MOB1A: variants seen among roughly 807,000 people sequenced by gnomAD.
MOB1A encodes the protein MOB1 Mps One Binder homolog A.
MOB1A carries 10 observed loss-of-function variants against 25.1 expected under a neutral mutation model. That is an observed-to-expected ratio of 0.40 (90% confidence interval 0.25 to 0.68). The LOEUF (loss-of-function observed/expected upper bound fraction) is 0.68, where lower values mean the gene tolerates loss of function less well. MOB1A is among the 30% of genes least tolerant of loss of function. The pLI is 0.40. For synonymous variants in MOB1A, 81 were observed against 79.5 expected (o/e 1.02, Z -0.10); for missense variants, 177 against 256.3 (o/e 0.69, Z 2.11).
chr2:74,163,159 G>A (rs565337867), intron 4 of MOB1A, among the ~76,000 whole-genome samples: 1 of 152,076 alleles, frequency 6.6e-6, no homozygotes, highest in African/African-American at 2.4e-5. Flanking sequence ...TCGGCATTGC[G>A]CTTGAAATAC....
In MOB1A at chr2:74,153,596, A is replaced by G. The variant is rs973793716; in HGVS notation, c.*2972T>C. On this transcript the variant is annotated 3_prime_UTR_variant, in exon 6 of 6. Transcript: ENST00000396049. ...GAATGAAAGACAAATTTGGCTGTCA[A>G]TACAAAAACTGTAGTACAAGGAAGT... The G allele has an allele frequency of 2.2e-4, 34 of 152,390 alleles. No homozygotes were observed. The highest frequency in any genetic ancestry group is 8.2e-4 in the African/African-American group (34 of 41,600). 9.4% of individuals were successfully genotyped at this position (152,390 alleles called of 1,614,324 possible).
At chr2:74,170,023 G>A (rs1448233407) in intron 2 of MOB1A, among the ~76,000 whole-genome samples, 1 of 152,154 alleles carries the variant, frequency 6.6e-6, no homozygotes, top group African/African-American at 2.4e-5. Context: ...CAAAAAATTT[G>A]AGAACTGCTG....
rs200570940 is a variant in MOB1A, at chr2:74,172,547, C to A, written c.181+39G>T. On this transcript the variant is annotated intron_variant, in intron 2 of 5. Transcript: ENST00000396049. The stretch of plus-strand genomic sequence containing the variant: ...CATTAACAAAGAGATTTTAGCAAAA[C>A]CTTTCTAGAAAACAGCAAAGTTACA... 8.2e-6 allele frequency: 13 copies of A among 1,580,372 alleles called. No individual in the cohort carries two copies. The African/African-American group carries it at 1.5e-4, about 18-fold the overall frequency.
chr2:74,157,716 G>A (rs753561344), intron 5 of MOB1A, among the ~76,000 whole-genome samples: 1 of 152,128 alleles, frequency 6.6e-6, no homozygotes, highest in Non-Finnish European at 1.5e-5. Flanking sequence ...CCCATGTTTG[G>A]TCACAGAAGC....
intron 1 of MOB1A, among the ~76,000 whole-genome samples, chr2:74,177,741 C>T (rs1157613544): frequency 6.6e-6 from 1 of 151,968 alleles, no homozygotes; most frequent in Non-Finnish European, 1.5e-5. Flanking sequence ...ACATCCATAA[C>T]TAAAATTGGA....
Position 74,156,405 on chromosome 2 carries a change from C to A in MOB1A, c.*163G>T. The A allele has an allele frequency of 1.5e-6, 1 of 654,940 alleles. No individual in the cohort carries two copies. Among genetic ancestry groups the A allele is most frequent in the Non-Finnish European group, 2.7e-6 (1 of 372,320 alleles). The allele number at this position is 654,940 out of a possible 1,614,324, so 40.6% of individuals were successfully genotyped here. A position where few individuals can be genotyped will look rare whatever the true frequency, so the allele number is the denominator to read the frequency against. On this transcript the variant is annotated 3_prime_UTR_variant, in exon 6 of 6. Transcript: ENST00000396049. ...CCTTAAGGTCTTACTCGGAAACTAT[C>A]ACACCAACCTACCTTTGGGATAATT... is the stretch of plus-strand genomic sequence containing the variant.
Position 74,153,878 on chromosome 2 carries a change from T to C in MOB1A, c.*2690A>G, listed in dbSNP as rs2103676573. On this transcript the variant is annotated 3_prime_UTR_variant, in exon 6 of 6. Coordinates refer to ENST00000396049, the MANE Select transcript of MOB1A (RefSeq NM_018221.5). ...GAAGAGTCAAAAAGATTGATTTCTA[T>C]AGGCCGGGCACGGTGGCTCATGCCT... The C allele has an allele frequency of 6.6e-6, 1 of 152,250 alleles. No homozygotes were observed. Among genetic ancestry groups the C allele is most frequent in the East Asian group, 1.9e-4 (1 of 5,168 alleles). 9.4% of individuals were successfully genotyped at this position (152,250 alleles called of 1,614,324 possible).
chr2:74,162,071 TAAAC>T (rs1692988809), intron 4 of MOB1A, among the ~76,000 whole-genome samples: 1 of 152,236 alleles, frequency 6.6e-6, no homozygotes, highest in Admixed American at 6.5e-5. Flanking sequence ...AAATTAATGA[TAAAC>T]AGTTCTGTCT....
intron 1 of MOB1A, among the ~76,000 whole-genome samples, chr2:74,173,979 G>C (rs1281623597): frequency 2.9e-5 from 4 of 139,924 alleles, no homozygotes; most frequent in African/African-American, 1.1e-4. Context: ...AGAAAATGAT[G>C]GGGCCATGGC....
chr2:74,172,807 T>A, intron 1 of MOB1A, 55 bp from the exon 2 acceptor site: 1 of 1,523,784 alleles, frequency 6.6e-7, no homozygotes, highest in East Asian at 2.3e-5. Flanking sequence ...GTAGAACAGG[T>A]AGAACAACAT....
Position 74,156,491 on chromosome 2 carries a change from T to C in MOB1A, c.*77A>G. 9.7e-7 allele frequency: 1 copy of C among 1,033,730 alleles called. No individual in the cohort carries two copies. The highest frequency in any genetic ancestry group is 1.4e-5 in the South Asian group (1 of 70,624). The allele number at this position is 1,033,730 out of a possible 1,614,324, so 64.0% of individuals were successfully genotyped here. The stretch of plus-strand genomic sequence containing the variant: ...CCTGTTTTCTTAAAGTTTGTATCAC[T>C]AGTCTATAACAGATAGCAATGAGAT... On this transcript the variant is annotated 3_prime_UTR_variant, in exon 6 of 6. Coordinates refer to ENST00000396049, the MANE Select transcript of MOB1A (RefSeq NM_018221.5).
intron 1 of MOB1A, among the ~76,000 whole-genome samples, chr2:74,175,777 T>C (rs1454242491): frequency 1.3e-5 from 2 of 152,074 alleles, no homozygotes; most frequent in Non-Finnish European, 2.9e-5. Flanking sequence ...ATCTAATACA[T>C]GGTTAAACAT....
At chr2:74,173,334 TGTC>T in intron 1 of MOB1A, 2 of 396,212 alleles carry the variant, frequency 5.0e-6, no homozygotes, top group Non-Finnish European at 9.9e-6. Context: ...ACACTAACTG[TGTC>T]TTCTTGAGAA....
intron 5 of MOB1A, among the ~76,000 whole-genome samples, chr2:74,157,192 T>C (rs951774294): frequency 1.3e-5 from 2 of 150,286 alleles, no homozygotes; most frequent in Non-Finnish European, 3.0e-5. Context: ...GAAGGTTGAG[T>C]TGATCATCAA....
At chr2:74,166,914 C>G (rs1455175165) in intron 3 of MOB1A, 100 bp downstream of exon 3, 1 of 839,324 alleles carries the variant, frequency 1.2e-6, no homozygotes, top group East Asian at 2.5e-5. Context: ...ACTGAATCAC[C>G]TTCACACAAA....
intron 5 of MOB1A, among the ~76,000 whole-genome samples, chr2:74,158,511 C>T (rs1266272575): frequency 1.3e-5 from 2 of 151,992 alleles, no homozygotes; most frequent in African/African-American, 4.8e-5. Flanking sequence ...CAATTCTGGC[C>T]GGGTGCTGTG....
chr2:74,174,396 G>T (rs1693392598), intron 1 of MOB1A, among the ~76,000 whole-genome samples: 1 of 152,156 alleles, frequency 6.6e-6, no homozygotes, highest in Non-Finnish European at 1.5e-5. Context: ...AGGAGTTTGA[G>T]ACCAGCCAGG....
chr2:74,157,406 T>C (rs1158192085), intron 5 of MOB1A, among the ~76,000 whole-genome samples: 1 of 152,068 alleles, frequency 6.6e-6, no homozygotes, highest in African/African-American at 2.4e-5. Flanking sequence ...TGTTAACATC[T>C]TTCATAATAA....
chr2:74,161,311 A>G (rs1692964467), intron 4 of MOB1A, among the ~76,000 whole-genome samples: 1 of 152,154 alleles, frequency 6.6e-6, no homozygotes, highest in Admixed American at 6.5e-5. Context: ...GCTTACAGGC[A>G]TGTTTTCCTG....
Sources: gnomAD v4.1 joint callset for allele counts (sites outside exome capture counted in the v4.1 genomes callset) on GRCh38, gnomAD v4.1.1 for gene constraint, MANE v1.5 for transcripts, NCBI Gene and HGNC (gene_info 2026-07-23, HGNC 2026-07-21) for gene names.